The following PPP1R12B variants were observed in gnomAD, a reference collection of about 807,000 sequenced individuals.
The protein encoded by PPP1R12B is protein phosphatase 1 regulatory subunit 12B, also known as myosin phosphatase target subunit 2.
PPP1R12B carries 76 observed loss-of-function variants against 126.1 expected under a neutral mutation model. That is an observed-to-expected ratio of 0.60 (90% CI 0.50 to 0.73). PPP1R12B has a LOEUF of 0.73. Among genes scored for constraint, PPP1R12B ranks in the 30% least tolerant of loss-of-function variants. PPP1R12B has a pLI of 0.00. For missense variants in PPP1R12B, 1,052 were observed against 1,205.1 expected (o/e 0.87, Z 1.88); for synonymous variants, 356 against 434.7 (o/e 0.82, Z 2.25).
intron 13 of PPP1R12B, among the ~76,000 whole-genome samples, chr1:202,468,199 C>G (rs958823469): frequency 2.0e-5 from 3 of 152,190 alleles, no homozygotes; most frequent in South Asian, 2.1e-4. Flanking sequence ...ATGGTAGTTT[C>G]TTTTGCTGTG....
At chr1:202,362,569 A>G (rs1319790840) in intron 1 of PPP1R12B, among the ~76,000 whole-genome samples, 1 of 151,756 alleles carries the variant, frequency 6.6e-6, no homozygotes, top group Non-Finnish European at 1.5e-5. Context: ...CATTGGCACC[A>G]GTTTTCAGTT....
At chr1:202,390,319 C>T (rs542648726) in intron 1 of PPP1R12B, among the ~76,000 whole-genome samples, 140 of 152,240 alleles carry the variant, frequency 9.2e-4, no homozygotes, top group African/African-American at 3.3e-3. Flanking sequence ...CTATAAATCT[C>T]TTAGATGAAA....
intron 23 of PPP1R12B, among the ~76,000 whole-genome samples, chr1:202,579,922 C>T (rs1035538779): frequency 2.0e-5 from 3 of 152,178 alleles, no homozygotes; most frequent in African/African-American, 4.8e-5. Flanking sequence ...GAGGATTATT[C>T]ACCGAAGGCA....
chr1:202,454,470 G>A (rs1673371220), intron 13 of PPP1R12B, among the ~76,000 whole-genome samples: 1 of 152,214 alleles, frequency 6.6e-6, no homozygotes, highest in Non-Finnish European at 1.5e-5. Flanking sequence ...GTTGCCAGGT[G>A]CTATGAGAAG....
intron 18 of PPP1R12B, among the ~76,000 whole-genome samples, chr1:202,550,133 G>A (rs1686158587): frequency 6.6e-6 from 1 of 152,122 alleles, no homozygotes. Context: ...GAATCTACTA[G>A]AAATAAAAAG....
At chr1:202,514,275 T>C (rs1318000016) in intron 18 of PPP1R12B, among the ~76,000 whole-genome samples, 4 of 152,146 alleles carry the variant, frequency 2.6e-5, no homozygotes, top group Non-Finnish European at 4.4e-5. Flanking sequence ...CATTTTTTAA[T>C]TGGGTTTTGT....
chr1:202,425,465 T>C, intron 3 of PPP1R12B, 101 bp from the exon 4 acceptor site: 2 of 1,268,542 alleles, frequency 1.6e-6, no homozygotes, highest in Non-Finnish European at 2.2e-6. Context: ...AAATTGTTAT[T>C]TGTATTTATG....
intron 1 of PPP1R12B, among the ~76,000 whole-genome samples, chr1:202,372,510 A>AT (rs1036378486): frequency 7.9e-5 from 12 of 151,684 alleles, no homozygotes; most frequent in African/African-American, 2.9e-4. Context: ...TCAAAAAAAA[A>AT]AAATAAATAA....
At chr1:202,537,212 G>A (rs28526331) in intron 18 of PPP1R12B, among the ~76,000 whole-genome samples, 19,153 of 152,066 alleles carry the variant, frequency 0.13, 1,336 homozygotes, top group Middle Eastern at 0.18. Context: ...AAATTAGCCC[G>A]GCATGGTGGC....
At chr1:202,522,935 G>A (rs562119878) in intron 18 of PPP1R12B, among the ~76,000 whole-genome samples, 1 of 152,248 alleles carries the variant, frequency 6.6e-6, no homozygotes, top group South Asian at 2.1e-4. Flanking sequence ...TCAAGAAATA[G>A]CATATCCACA....
chr1:202,545,567 A>G (rs1047533236), intron 18 of PPP1R12B, among the ~76,000 whole-genome samples: 2 of 152,242 alleles, frequency 1.3e-5, no homozygotes, highest in African/African-American at 4.8e-5. Flanking sequence ...TCTGCTTTGT[A>G]GTAGGCTTTA....
rs532308476 is a variant in PPP1R12B at position 202,422,308 on chromosome 1, T to C, written c.423-312T>C. Among the ~76,000 whole-genome samples, 233 of 152,328 alleles carry C rather than the reference T, an allele frequency of 1.5e-3. 2 individuals are homozygous for C. The highest frequency in any genetic ancestry group is 2.7e-3 in the Non-Finnish European group (184 of 68,030). ...AAGCTCCAGTGTGGCACTGGGAAAG[T>C]TTAAGGCTGCATGCCTTCTTTATGT... On this transcript the variant is annotated intron_variant, in intron 2 of 23. Transcript: ENST00000608999.
chr1:202,503,990 A>G (rs1422448956), intron 18 of PPP1R12B, among the ~76,000 whole-genome samples: 1 of 152,192 alleles, frequency 6.6e-6, no homozygotes, highest in African/African-American at 2.4e-5. Flanking sequence ...GAGGGATTCT[A>G]TTAATTACCA....
intron 18 of PPP1R12B, among the ~76,000 whole-genome samples, chr1:202,536,864 T>G (rs998044819): frequency 6.6e-6 from 1 of 152,214 alleles, no homozygotes; most frequent in Non-Finnish European, 1.5e-5. Flanking sequence ...TCAGTATCAC[T>G]GTCTTTCACT....
intron 18 of PPP1R12B, among the ~76,000 whole-genome samples, chr1:202,535,095 A>T (rs560200621): frequency 7.9e-5 from 12 of 151,868 alleles, no homozygotes; most frequent in Non-Finnish European, 1.6e-4. Context: ...CCTAAACCAT[A>T]TAACAACTCT....
intron 18 of PPP1R12B, among the ~76,000 whole-genome samples, chr1:202,557,356 AAACTT>A (rs1687062245): frequency 6.6e-6 from 1 of 152,204 alleles, no homozygotes; most frequent in Non-Finnish European, 1.5e-5. Context: ...CAAGAAAAAA[AAACTT>A]AAGGTAAAGT....
intron 15 of PPP1R12B, among the ~76,000 whole-genome samples, chr1:202,494,489 T>G (rs753950754): frequency 6.6e-5 from 10 of 151,746 alleles, no homozygotes; most frequent in Non-Finnish European, 1.5e-4. Context: ...ATGTCATAAA[T>G]TTAATGTGTA....
chr1:202,366,947 A>G (rs1274852189), intron 1 of PPP1R12B, among the ~76,000 whole-genome samples: 1 of 152,228 alleles, frequency 6.6e-6, no homozygotes, highest in Non-Finnish European at 1.5e-5. Flanking sequence ...TACCAAAACT[A>G]TGGTACTTAA....
intron 13 of PPP1R12B, chr1:202,462,694 A>G (rs576730329): frequency 1.3e-4 from 115 of 907,392 alleles, no homozygotes; most frequent in Non-Finnish European, 1.4e-4. Context: ...CCCTCATTCA[A>G]CCCTCCCTTG....
Sources: allele counts gnomAD v4.1 joint callset (sites outside exome capture counted in the v4.1 genomes callset), GRCh38; gene constraint gnomAD v4.1.1; transcripts MANE v1.5; gene names NCBI Gene and HGNC (gene_info 2026-07-23, HGNC 2026-07-21).